Variants in ACAD10 observed in about 807,000 individuals in gnomAD.
ACAD10 encodes ACAD-10.
ACAD10 carries 112 observed loss-of-function variants against 116.8 expected under a neutral mutation model. The ratio of observed to expected loss-of-function variants is 0.96; its 90% CI spans 0.82 to 1.12. ACAD10 has a LOEUF of 1.12. Ranked by LOEUF, ACAD10 falls within the 50% of genes most tolerant of loss-of-function variation. ACAD10 has a pLI of 0.00. For synonymous variants in ACAD10, 486 were observed against 510.6 expected (o/e 0.95, Z 0.65); for missense variants, 1,259 against 1,350.2 (o/e 0.93, Z 1.06).
At chr12:111,755,304 A>AT (rs111980226) in intron 19 of ACAD10, among the ~76,000 whole-genome samples, 11 of 152,020 alleles carry the variant, frequency 7.2e-5, no homozygotes, top group African/African-American at 2.7e-4. Context: ...GGGTTTCACT[A>AT]TATGTTGGCC....
chr12:111,756,448 A>C lies in ACAD10; in HGVS notation c.3155A>C (p.Lys1052Thr), dbSNP rs746066481. The change falls in exon 21 of 21, where the codon AAG (lysine) becomes ACG (threonine). Residue 1052 changes from lysine (K) to threonine (T), a missense_variant. By Grantham distance (78) the Lys-to-Thr change is moderately conservative. Coordinates refer to ENST00000313698, the MANE Select transcript of ACAD10 (RefSeq NM_025247.6). ...PDEVHRATVA[K>T]LELKHRI ...GAGGTGCACCGGGCCACGGTGGCCA[A>C]GCTAGAGCTGAAGCACCGCATTTAG... The C allele has an allele frequency of 1.3e-5, 21 of 1,612,770 alleles. No individual in the cohort carries two copies. The highest frequency in any genetic ancestry group is 1.8e-5 in the Non-Finnish European group (21 of 1,179,866).
At chr12:111,696,858 G>T (rs189424182) in intron 2 of ACAD10, among the ~76,000 whole-genome samples, 3,221 of 152,244 alleles carry the variant, frequency 0.021, 77 homozygotes, top group South Asian at 0.045. Context: ...AAGGCAGGTG[G>T]ATCACGAGGT....
chr12:111,749,122 C>T (rs371633605), intron 17 of ACAD10, 51 bp from the exon 18 acceptor site: 27 of 1,613,832 alleles, frequency 1.7e-5, no homozygotes, highest in Non-Finnish European at 2.3e-5. Context: ...TAAACACATC[C>T]AAGGAAAATG....
At chr12:111,746,058 C>T in intron 13 of ACAD10, 86 bp from the exon 14 acceptor site, 2 of 1,524,328 alleles carry the variant, frequency 1.3e-6, no homozygotes, top group Non-Finnish European at 8.8e-7. Context: ...TGCCTTGTTT[C>T]CTCCAATCCC....
chr12:111,735,974 G>C (rs1031548881), intron 11 of ACAD10, among the ~76,000 whole-genome samples: 4 of 151,654 alleles, frequency 2.6e-5, no homozygotes, highest in Non-Finnish European at 5.9e-5. Flanking sequence ...CTGCCTCCCG[G>C]GTTCAAGCGA....
chr12:111,690,771 T>G, intron 1 of ACAD10, among the ~76,000 whole-genome samples: 1 of 132,220 alleles, frequency 7.6e-6, no homozygotes. Flanking sequence ...GGCAACAGAG[T>G]GAGACTCTCA....
intron 11 of ACAD10, 68 bp downstream of exon 11, chr12:111,734,136 G>A: frequency 6.2e-7 from 1 of 1,605,036 alleles, no homozygotes; most frequent in Non-Finnish European, 8.5e-7. Flanking sequence ...AGCAAACTCA[G>A]CTGAAGTAGT....
chr12:111,754,544 A>T (rs924627816), intron 19 of ACAD10, among the ~76,000 whole-genome samples: 12 of 152,198 alleles, frequency 7.9e-5, no homozygotes, highest in Non-Finnish European at 1.6e-4. Flanking sequence ...GCACAATGCC[A>T]TGTTGACCTT....
Position 111,692,811 on chromosome 12 carries a change from G to A in ACAD10, c.102G>A (p.Trp34Ter), listed in dbSNP as rs1051015719. The A allele has an allele frequency of 1.9e-6, 3 of 1,614,218 alleles. No homozygotes were observed. The highest frequency in any genetic ancestry group is 2.5e-6 in the Non-Finnish European group (3 of 1,180,044). ...TQRRHQGSHR[W>*]THLGGSTYRA... The stretch of plus-strand genomic sequence containing the variant: ...GCAGGCACCAGGGGTCCCACCGATG[G>A]ACACACCTTGGAGGCAGCACCTACA... The change falls in exon 2 of 21, where the codon TGG (tryptophan) becomes TGA (stop). Residue 34 changes from tryptophan to a stop codon, truncating the protein, a stop_gained. Transcript: ENST00000313698. LOFTEE classifies it high-confidence loss of function.
chr12:111,724,700 A>C (rs1889160552), intron 8 of ACAD10, among the ~76,000 whole-genome samples: 1 of 147,690 alleles, frequency 6.8e-6, no homozygotes, highest in African/African-American at 2.5e-5. Context: ...AGGCTGAGGC[A>C]GGAGAATCAG....
intron 8 of ACAD10, among the ~76,000 whole-genome samples, chr12:111,723,690 C>A (rs1275476877): frequency 6.7e-6 from 1 of 148,914 alleles, no homozygotes; most frequent in African/African-American, 2.5e-5. Context: ...GCTGACCCCC[C>A]CCCCCACCTC....
intron 20 of ACAD10, 53 bp downstream of exon 20, chr12:111,755,798 A>G: frequency 1.3e-6 from 2 of 1,557,638 alleles, no homozygotes; most frequent in Non-Finnish European, 1.8e-6. Context: ...CTAGATGCCA[A>G]ACTCTCCTAT....
intron 2 of ACAD10, among the ~76,000 whole-genome samples, chr12:111,698,997 A>G (rs1888273343): frequency 6.6e-6 from 1 of 151,764 alleles, no homozygotes; most frequent in Non-Finnish European, 1.5e-5. Flanking sequence ...CTCCCACCTC[A>G]GCCTCACAGG....
chr12:111,752,049 ACT>A (rs1390765506), intron 18 of ACAD10, among the ~76,000 whole-genome samples: 1 of 141,712 alleles, frequency 7.1e-6, no homozygotes, highest in African/African-American at 2.7e-5. Context: ...CAAGAGCGAT[ACT>A]CTGTCTCAAA....
In ACAD10 at chr12:111,728,101, G is replaced by A. The variant is rs908055923; in HGVS notation, c.1201G>A (p.Val401Met). 5 of 1,613,358 alleles carry A rather than the reference G, an allele frequency of 3.1e-6. No homozygotes were observed. In the African/African-American group the frequency reaches 6.7e-5, roughly 22 times the overall value. The change falls in exon 9 of 21, where the codon GTG becomes ATG. Residue 401 changes from valine (V) to methionine (M), a missense_variant. Coordinates refer to ENST00000313698, the MANE Select transcript of ACAD10 (RefSeq NM_025247.6). Reference sequence around the variant, plus strand: ...CACAGTCCTGTGCAAAATTCACAGTGTGGATCTGCAGGCTGTGGGACTTGA... The same window carrying A: ...CACAGTCCTGTGCAAAATTCACAGTATGGATCTGCAGGCTGTGGGACTTGA... The part of the protein sequence containing the change: ...MNTVLCKIHS[V>M]DLQAVGLEDY...
chr12:111,756,008 C>CA, intron 20 of ACAD10: 1 of 809,720 alleles, frequency 1.2e-6, no homozygotes, highest in South Asian at 1.8e-5. Flanking sequence ...TAGCTGACCT[C>CA]AAATTCACAT....
chr12:111,733,837 A>C, intron 10 of ACAD10, 86 bp from the exon 11 acceptor site: 4 of 1,564,040 alleles, frequency 2.6e-6, no homozygotes, highest in Non-Finnish European at 3.5e-6. Flanking sequence ...TGGGGAGCCA[A>C]GCCTAAAGGG....
chr12:111,717,216 G>C (rs1169309356), intron 7 of ACAD10, among the ~76,000 whole-genome samples: 2 of 152,082 alleles, frequency 1.3e-5, no homozygotes, highest in Non-Finnish European at 2.9e-5. Flanking sequence ...AATTAGCCGG[G>C]TGTTGGTGAC....
At chr12:111,700,528 C>T (rs1888317858) in intron 2 of ACAD10, among the ~76,000 whole-genome samples, 2 of 152,232 alleles carry the variant, frequency 1.3e-5, no homozygotes, top group South Asian at 4.1e-4. Flanking sequence ...ACGCTCCCGT[C>T]AACAGCATAT....
Sources: gnomAD v4.1 joint callset for allele counts (sites outside exome capture counted in the v4.1 genomes callset) on GRCh38, gnomAD v4.1.1 for gene constraint, MANE v1.5 for transcripts, NCBI Gene and HGNC (gene_info 2026-07-23, HGNC 2026-07-21) for gene names.